The following DNAAF4 variants were observed in gnomAD, a reference collection of about 807,000 sequenced individuals.
The protein encoded by DNAAF4 is dynein assembly factor 4, axonemal.
Under a neutral mutation model 51.8 loss-of-function variants are expected in DNAAF4, and 43 were observed. The observed-to-expected ratio is 0.83, with a 90% CI of 0.65 to 1.07. The LOEUF (loss-of-function observed/expected upper bound fraction) is 1.07, where lower values mean the gene tolerates loss of function less well. DNAAF4 is among the 50% of genes least tolerant of loss of function. The probability of loss-of-function intolerance (pLI) is 0.00; values close to 1 mark genes in which losing one functional copy is unlikely to be tolerated. For missense variants in DNAAF4, 581 were observed against 493.0 expected (o/e 1.18, Z -1.69); for synonymous variants, 194 against 165.6 (o/e 1.17, Z -1.32).
chr15:55,439,422 T>C, intron 7 of DNAAF4, 50 bp downstream of exon 7: 1 of 1,478,640 alleles, frequency 6.8e-7, no homozygotes, highest in Non-Finnish European at 9.4e-7. Flanking sequence ...TGATAACTGC[T>C]AATGTCTTCA....
intron 5 of DNAAF4, among the ~76,000 whole-genome samples, chr15:55,463,705 A>G (rs2058128533): frequency 6.6e-6 from 1 of 152,120 alleles, no homozygotes. Flanking sequence ...AAAAAAACCC[A>G]AAAAACAAAA....
intron 6 of DNAAF4, among the ~76,000 whole-genome samples, chr15:55,446,872 C>A (rs1343061631): frequency 7.6e-6 from 1 of 131,736 alleles, no homozygotes; most frequent in African/African-American, 2.9e-5. Flanking sequence ...ACATCCCAGA[C>A]GGGCCGGCTG....
intron 5 of DNAAF4, among the ~76,000 whole-genome samples, chr15:55,451,977 C>G (rs993083749): frequency 6.6e-6 from 1 of 151,746 alleles, no homozygotes; most frequent in Non-Finnish European, 1.5e-5. Flanking sequence ...CTGGGCGCAG[C>G]GGCTCACACC....
At chr15:55,422,901 G>C (rs1380996730) in intron 7 of DNAAF4, among the ~76,000 whole-genome samples, 1 of 152,084 alleles carries the variant, frequency 6.6e-6, no homozygotes, top group African/African-American at 2.4e-5. Context: ...GGAGGCTGAG[G>C]CAGGAGAATC....
At chr15:55,435,378 G>A (rs1325904197) in intron 7 of DNAAF4, among the ~76,000 whole-genome samples, 2 of 152,162 alleles carry the variant, frequency 1.3e-5, no homozygotes, top group East Asian at 3.8e-4. Context: ...AAGCCTGTGG[G>A]TTGGTTTCAA....
chr15:55,499,842 C>A (rs1387658266), intron 1 of DNAAF4, among the ~76,000 whole-genome samples: 1 of 152,146 alleles, frequency 6.6e-6, no homozygotes, highest in Non-Finnish European at 1.5e-5. Context: ...GAATCTGAAA[C>A]CTATACACAA....
chr15:55,443,824 T>C (rs1420344974), intron 6 of DNAAF4, among the ~76,000 whole-genome samples: 2 of 152,246 alleles, frequency 1.3e-5, no homozygotes, highest in African/African-American at 4.8e-5. Flanking sequence ...TTCATGTATC[T>C]GTTGGCTGCA....
chr15:55,439,275 TTTTG>T (rs1291000150), intron 7 of DNAAF4, among the ~76,000 whole-genome samples, 193 bp downstream of exon 7: 3 of 152,170 alleles, frequency 2.0e-5, no homozygotes, highest in Admixed American at 6.6e-5. Context: ...TAATGTTTTA[TTTTG>T]TTTGTTTTTT....
At chr15:55,507,690 T>C (rs1156837762) in intron 1 of DNAAF4, among the ~76,000 whole-genome samples, 2 of 152,098 alleles carry the variant, frequency 1.3e-5, no homozygotes, top group African/African-American at 2.4e-5. Context: ...TCACACTGTA[T>C]GAATTAAAAC....
At chr15:55,431,613 T>C (rs1454408266) in intron 9 of DNAAF4, among the ~76,000 whole-genome samples, 1 of 151,876 alleles carries the variant, frequency 6.6e-6, no homozygotes, top group Non-Finnish European at 1.5e-5. Context: ...TAGCTGGGAC[T>C]ACAGGCGCCC....
At position 55,431,163 on chromosome 15, in the gene DNAAF4, T is replaced by C. The variant is rs575519786; in HGVS notation, c.1154-384A>G. Among the ~76,000 whole-genome samples, 3 of 152,264 alleles carry C rather than the reference T, an allele frequency of 2.0e-5. No homozygotes were observed. In the East Asian group the frequency reaches 5.8e-4, roughly 29 times the overall value. ...CTCCTGACCTCATGATCCACCCACC[T>C]TGGCCTCCCAAAGTGCTGGGATTAC... On this transcript the variant is annotated intron_variant, in intron 9 of 9. Coordinates refer to ENST00000321149, the MANE Select transcript of DNAAF4 (RefSeq NM_130810.4).
chr15:55,456,579 T>C (rs2141477475), intron 5 of DNAAF4, among the ~76,000 whole-genome samples: 1 of 152,232 alleles, frequency 6.6e-6, no homozygotes, highest in East Asian at 1.9e-4. Flanking sequence ...CAAGAATCAC[T>C]TCAGGAACAC....
chr15:55,493,333 T>C (rs1252207680), intron 3 of DNAAF4, among the ~76,000 whole-genome samples: 1 of 152,208 alleles, frequency 6.6e-6, no homozygotes, highest in Admixed American at 6.5e-5. Flanking sequence ...TTGAAGAGAA[T>C]GTTAAATATC....
At chr15:55,427,066 T>TG (rs982125635), downstream of DNAAF4, among the ~76,000 whole-genome samples, 11 of 152,132 alleles carry the variant, frequency 7.2e-5, no homozygotes, top group African/African-American at 2.4e-4. Flanking sequence ...TTTTGTTTTT[T>TG]TTTGTTTGTT....
rs1375050840 is a variant in DNAAF4, at chr15:55,432,709, G to A, written c.1048-107C>T. The A allele has an allele frequency of 4.4e-6, 4 of 915,866 alleles. No individual in the cohort carries two copies. The East Asian group carries it at 1.1e-4, about 25-fold the overall frequency. The allele number at this position is 915,866 out of a possible 1,614,324, so 56.7% of individuals were successfully genotyped here. ...GCCTGTAATCCCAACACTTGGGGAG[G>A]CCGAGGTAGGTGGATCACCTGAAGT... On this transcript the variant is annotated intron_variant, in intron 8 of 9. Coordinates refer to ENST00000321149, the MANE Select transcript of DNAAF4 (RefSeq NM_130810.4).
intron 8 of DNAAF4, 92 bp from the exon 9 acceptor site, chr15:55,432,694 C>T: frequency 8.6e-7 from 1 of 1,168,166 alleles, no homozygotes. Context: ...GCCTGTAATC[C>T]CAACACTTGG....
At chr15:55,421,950 C>T (rs2057392288) in intron 7 of DNAAF4, among the ~76,000 whole-genome samples, 1 of 148,096 alleles carries the variant, frequency 6.8e-6, no homozygotes, top group South Asian at 2.1e-4. Flanking sequence ...TAATAAAGGT[C>T]CCAGGACTAT....
At chr15:55,466,237 A>G (rs2058169497) in intron 5 of DNAAF4, among the ~76,000 whole-genome samples, 7 of 152,204 alleles carry the variant, frequency 4.6e-5, no homozygotes, top group Non-Finnish European at 8.8e-5. Flanking sequence ...AGCCTGGGCA[A>G]CATGGCAAAA....
At chr15:55,459,563 T>C (rs1311749253) in intron 5 of DNAAF4, among the ~76,000 whole-genome samples, 1 of 152,164 alleles carries the variant, frequency 6.6e-6, no homozygotes, top group African/African-American at 2.4e-5. Context: ...GAATGTCAAA[T>C]GGATAAAAAT....
Sources: gnomAD v4.1 joint callset for allele counts (sites outside exome capture counted in the v4.1 genomes callset) on GRCh38, gnomAD v4.1.1 for gene constraint, MANE v1.5 for transcripts, NCBI Gene and HGNC (gene_info 2026-07-23, HGNC 2026-07-21) for gene names.